Variants in PCDHGA9 observed in about 807,000 individuals in gnomAD.
PCDHGA9 encodes the protein protocadherin gamma subfamily A, 9, also known as protocadherin gamma-A9.
PCDHGA9 carries 37 observed loss-of-function variants against 62.5 expected under a neutral mutation model. The observed-to-expected ratio is 0.59, with a 90% CI of 0.46 to 0.78. The LOEUF is 0.78. Among genes scored for constraint, PCDHGA9 ranks in the 30% least tolerant of loss-of-function variants. The pLI, the probability that PCDHGA9 is intolerant of heterozygous loss-of-function variation, is 0.00. For synonymous variants in PCDHGA9, 459 were observed against 484.6 expected, an observed-to-expected ratio of 0.95 and a Z score of 0.69; for missense variants, 1,138 against 1,166.2, an observed-to-expected ratio of 0.98 and a Z score of 0.35.
Position 141,490,225 on chromosome 5 carries a change from G to A in PCDHGA9, c.2425-4582G>A, listed in dbSNP as rs2099697468. On this transcript the variant is annotated intron_variant, in intron 1 of 3. Coordinates refer to ENST00000573521, the MANE Select transcript of PCDHGA9 (RefSeq NM_018921.3). This position sits in a 1 kb window ranked among gnomAD's most constrained non-coding sequence, Gnocchi z 5.4. The stretch of plus-strand genomic sequence containing the variant: ...AAGAGCCCGTGACCAGGGACAGCCT[G>A]CCATGGAGGGCCACTGTGTGATTCA... The A allele has an allele frequency of 6.2e-7, 1 of 1,614,112 alleles. No homozygotes were observed. The highest frequency in any genetic ancestry group is 1.1e-5 in the South Asian group (1 of 91,090).
chr5:141,433,374 T>A (rs948922353), intron 1 of PCDHGA9, among the ~76,000 whole-genome samples: 36 of 150,958 alleles, frequency 2.4e-4, no homozygotes, highest in African/African-American at 8.6e-4. Flanking sequence ...TATCTATCTA[T>A]CTATCTATCT....
chr5:141,490,941 A>G lies in PCDHGA9; in HGVS notation c.2425-3866A>G. The G allele has an allele frequency of 6.2e-7, 1 of 1,613,628 alleles. No homozygotes were observed. The highest frequency in any genetic ancestry group is 8.5e-7 in the Non-Finnish European group (1 of 1,179,772). On this transcript the variant is annotated intron_variant, in intron 1 of 3. Coordinates refer to ENST00000573521, the MANE Select transcript of PCDHGA9 (RefSeq NM_018921.3). The surrounding 1 kb of genome is among the most constrained non-coding windows in gnomAD (Gnocchi z 5.4). ...ATAATGCCCCAGCTGTGCTGCACCC[A>G]CGGCCAGACTGGGAACACTCAGCCC... is the stretch of plus-strand genomic sequence containing the variant.
At chr5:141,494,776 C>T in intron 1 of PCDHGA9, 31 bp from the exon 2 acceptor site, 1 of 1,614,100 alleles carries the variant, frequency 6.2e-7, no homozygotes, top group East Asian at 2.2e-5. Context: ...CTCACGGGTA[C>T]TCAGCCCCTT....
At chr5:141,460,741 A>G (rs1378900827) in intron 1 of PCDHGA9, among the ~76,000 whole-genome samples, 1 of 152,128 alleles carries the variant, frequency 6.6e-6, no homozygotes, top group Non-Finnish European at 1.5e-5. Flanking sequence ...CACATTGTAT[A>G]TATATGTGTA....
Position 141,494,808 on chromosome 5 carries a change from A to G in PCDHGA9, c.2426A>G (p.Gln809Arg). The G allele has an allele frequency of 1.9e-6, 3 of 1,614,014 alleles. No individual in the cohort carries two copies. Among genetic ancestry groups the G allele is most frequent in the Non-Finnish European group, 2.5e-6 (3 of 1,179,982 alleles). The change falls in exon 2 of 4, where the codon CAA becomes CGA. Residue 809 changes from glutamine to arginine, a missense_variant and splice_region_variant. Gln to Arg is a conservative substitution (Grantham distance 43, BLOSUM62 1). Coordinates refer to ENST00000573521, the MANE Select transcript of PCDHGA9 (RefSeq NM_018921.3). ...CCTTTCCCTCTGTTTTCTCCACAGC[A>G]AGCCCCGCCCAACACGGACTGGCGT... ...FPIEDTPLVP[Q>R]APPNTDWRFS...
intron 1 of PCDHGA9, among the ~76,000 whole-genome samples, chr5:141,450,005 TC>T (rs2098662434): frequency 1.0e-5 from 1 of 99,604 alleles, no homozygotes; most frequent in Non-Finnish European, 1.8e-5. Flanking sequence ...TTGCCATGTC[TC>T]TTTTTTTTTT....
intron 3 of PCDHGA9, among the ~76,000 whole-genome samples, chr5:141,510,533 C>A (rs1366903068): frequency 6.6e-6 from 1 of 152,118 alleles, no homozygotes; most frequent in Non-Finnish European, 1.5e-5. Flanking sequence ...GAGAGAAATA[C>A]CAGCGAATGT....
Position 141,432,538 on chromosome 5 carries a change from G to T in PCDHGA9, c.2424+27162G>T, listed in dbSNP as rs200601557. 1 of 1,613,908 alleles carries T rather than the reference G, an allele frequency of 6.2e-7. No individual in the cohort carries two copies. Among genetic ancestry groups the T allele is most frequent in the African/African-American group, 1.3e-5 (1 of 74,936 alleles). Reference sequence around the variant, plus strand: ...GCTACCTGGTGACCAAGGTGGTGGCGGTGGACAGAGACTCCGGCCAGAACG... The same window carrying T: ...GCTACCTGGTGACCAAGGTGGTGGCTGTGGACAGAGACTCCGGCCAGAACG... On this transcript the variant is annotated intron_variant, in intron 1 of 3. Coordinates refer to ENST00000573521, the MANE Select transcript of PCDHGA9 (RefSeq NM_018921.3). This position sits in a 1 kb window ranked among gnomAD's most constrained non-coding sequence, Gnocchi z 6.0.
chr5:141,430,855 C>T, intron 1 of PCDHGA9: 7 of 1,588,596 alleles, frequency 4.4e-6, no homozygotes, highest in Non-Finnish European at 6.0e-6. Context: ...CCCAGATACG[C>T]TATTCAGTTC....
intron 1 of PCDHGA9, chr5:141,421,516 T>C (rs199973694): frequency 6.8e-6 from 11 of 1,614,064 alleles, no homozygotes; most frequent in Non-Finnish European, 9.3e-6. Context: ...GGAGGAGCTC[T>C]GTGAGACGGT....
rs537196945 is a variant in PCDHGA9 at position 141,470,749 on chromosome 5, G to A, written c.2425-24058G>A. 3.9e-5 allele frequency among the ~76,000 whole-genome samples: 6 copies of A among 152,260 alleles called. No individual in the cohort carries two copies. The East Asian group carries it at 7.7e-4, about 20-fold the overall frequency. On this transcript the variant is annotated intron_variant, in intron 1 of 3. Coordinates refer to ENST00000573521, the MANE Select transcript of PCDHGA9 (RefSeq NM_018921.3). ...GTCTTGCTCTGTCGCCCTGGCTGGAGTGCAGTGGACTCACTACAGTCTTGA... is the reference window on the plus strand; with the variant it reads ...GTCTTGCTCTGTCGCCCTGGCTGGAATGCAGTGGACTCACTACAGTCTTGA...
chr5:141,502,084 G>A (rs1438350526), intron 2 of PCDHGA9, among the ~76,000 whole-genome samples: 1 of 152,154 alleles, frequency 6.6e-6, no homozygotes, highest in African/African-American at 2.4e-5. Context: ...CTGGGGCTGA[G>A]AACACCTGGC....
intron 1 of PCDHGA9, chr5:141,423,851 C>T (rs1311833319): frequency 7.8e-6 from 10 of 1,275,940 alleles, no homozygotes; most frequent in African/African-American, 1.6e-5. Flanking sequence ...TCTTTCAGAA[C>T]GTTTTTGTGA....
At position 141,478,334 on chromosome 5, in the gene PCDHGA9, C is replaced by T. The variant is rs1303200872; in HGVS notation, c.2425-16473C>T. 2.5e-6 allele frequency: 4 copies of T among 1,613,944 alleles called. No individual in the cohort carries two copies. The highest frequency in any genetic ancestry group is 3.4e-6 in the Non-Finnish European group (4 of 1,180,016). ...GAGCTCACTGTACCGAACACCAGGG[C>T]CCTCCTTGCACGCGGACGCCGTGCG... On this transcript the variant is annotated intron_variant, in intron 1 of 3. Coordinates refer to ENST00000573521, the MANE Select transcript of PCDHGA9 (RefSeq NM_018921.3).
intron 1 of PCDHGA9, chr5:141,422,075 G>A (rs1192481253): frequency 1.9e-6 from 3 of 1,612,092 alleles, no homozygotes; most frequent in East Asian, 2.2e-5. Flanking sequence ...TATTCATTTC[G>A]GAACATGGAA....
rs1243112302 is a variant in PCDHGA9, at chr5:141,476,738, C to G, written c.2425-18069C>G. 6.2e-7 allele frequency: 1 copy of G among 1,614,076 alleles called. No homozygotes were observed. Among genetic ancestry groups the G allele is most frequent in the Non-Finnish European group, 8.5e-7 (1 of 1,180,028 alleles). On this transcript the variant is annotated intron_variant, in intron 1 of 3. Transcript: ENST00000573521. This position sits in a 1 kb window ranked among gnomAD's most constrained non-coding sequence, Gnocchi z 7.6. ...GCGCGCCCTGGACCGAGAACGGGAG[C>G]CTAGTCTCCAGTTAGTGCTGACGGC...
chr5:141,506,459 A>G (rs1159808052), intron 3 of PCDHGA9, among the ~76,000 whole-genome samples: 4 of 151,918 alleles, frequency 2.6e-5, no homozygotes, highest in Non-Finnish European at 4.4e-5. Context: ...AAAAAAAAAA[A>G]AAAAAAGAGC....
intron 1 of PCDHGA9, among the ~76,000 whole-genome samples, chr5:141,437,434 G>T (rs183505868): frequency 2.6e-5 from 4 of 152,194 alleles, no homozygotes; most frequent in East Asian, 3.8e-4. Context: ...AGCAGCAATA[G>T]CATAGGAATG....
intron 3 of PCDHGA9, 79 bp downstream of exon 3, chr5:141,505,560 G>A: frequency 6.2e-7 from 1 of 1,604,768 alleles, no homozygotes; most frequent in South Asian, 1.1e-5. Context: ...CATGCCCACG[G>A]ACTGGATGTC....
Sources: gnomAD v4.1 joint callset for allele counts (sites outside exome capture counted in the v4.1 genomes callset) on GRCh38, gnomAD v4.1.1 for gene constraint, Gnocchi (gnomAD v3.1) non-coding constraint, MANE v1.5 for transcripts, NCBI Gene and HGNC (gene_info 2026-07-23, HGNC 2026-07-21) for gene names.